ASTN2: variants seen among roughly 807,000 people sequenced by gnomAD.
ASTN2 encodes the protein astrotactin-2.
Under a neutral mutation model 139.8 loss-of-function variants are expected in ASTN2, and 54 were observed. That is an observed-to-expected ratio of 0.39 (90% CI 0.31 to 0.48). The LOEUF is 0.48. ASTN2 is among the 20% of genes least tolerant of loss of function. The pLI is 0.95. For synonymous variants in ASTN2, 756 were observed against 719.5 expected, an observed-to-expected ratio of 1.05 and a Z score of -0.81; for missense variants, 1,565 against 1,725.1, an observed-to-expected ratio of 0.91 and a Z score of 1.64.
At chr9:116,482,908 C>G (rs1849221009) in intron 20 of ASTN2, among the ~76,000 whole-genome samples, 1 of 152,238 alleles carries the variant, frequency 6.6e-6, no homozygotes, top group Non-Finnish European at 1.5e-5. Flanking sequence ...CCCCAGGAAT[C>G]AGGCCTGGCT....
chr9:116,566,916 C>T (rs899173303), intron 19 of ASTN2, among the ~76,000 whole-genome samples: 4 of 152,102 alleles, frequency 2.6e-5, no homozygotes, highest in Non-Finnish European at 5.9e-5. Flanking sequence ...GGCTCCCACC[C>T]AGCCTTCACA....
At chr9:116,800,562 G>A (rs541831926) in intron 13 of ASTN2, among the ~76,000 whole-genome samples, 97 of 152,152 alleles carry the variant, frequency 6.4e-4, no homozygotes, top group South Asian at 5.6e-3. Context: ...TATAAATTTG[G>A]TCTCCCCCTG....
chr9:116,792,919 G>A (rs1332976626), intron 13 of ASTN2, among the ~76,000 whole-genome samples: 1 of 152,086 alleles, frequency 6.6e-6, no homozygotes, highest in African/African-American at 2.4e-5. Flanking sequence ...TGGACATAAA[G>A]ATGGGAATAG....
intron 20 of ASTN2, among the ~76,000 whole-genome samples, chr9:116,483,898 C>T (rs1333929915): frequency 6.6e-6 from 1 of 152,150 alleles, no homozygotes; most frequent in Non-Finnish European, 1.5e-5. Context: ...GGGCATGAGC[C>T]CAGATTCCCC....
intron 3 of ASTN2, among the ~76,000 whole-genome samples, chr9:117,206,511 C>A (rs994742552): frequency 2.0e-5 from 3 of 152,144 alleles, no homozygotes; most frequent in African/African-American, 7.2e-5. Flanking sequence ...CAAGTTGCTG[C>A]AGCACGGTAC....
At chr9:116,910,489 G>A (rs1407541405) in intron 10 of ASTN2, among the ~76,000 whole-genome samples, 1 of 152,028 alleles carries the variant, frequency 6.6e-6, no homozygotes. Context: ...ATTGCTTTAG[G>A]TTATTTACTT....
At chr9:116,777,937 G>C (rs1204939452) in intron 13 of ASTN2, among the ~76,000 whole-genome samples, 1 of 151,980 alleles carries the variant, frequency 6.6e-6, no homozygotes, top group African/African-American at 2.4e-5. Flanking sequence ...CCACCTCCCG[G>C]GTTCAAGCAA....
intron 1 of ASTN2, among the ~76,000 whole-genome samples, chr9:117,333,269 T>C (rs1329933470): frequency 2.6e-5 from 4 of 152,200 alleles, no homozygotes; most frequent in African/African-American, 9.7e-5. Context: ...TCAGAATGAT[T>C]CTGTGAGGTG....
intron 6 of ASTN2, among the ~76,000 whole-genome samples, chr9:117,038,542 C>T (rs1838460603): frequency 6.6e-6 from 1 of 152,150 alleles, no homozygotes; most frequent in East Asian, 1.9e-4. Context: ...TTATGGCATT[C>T]CTTATGGTGA....
At chr9:117,378,931 G>T (rs1280590048) in intron 1 of ASTN2, among the ~76,000 whole-genome samples, 1 of 152,094 alleles carries the variant, frequency 6.6e-6, no homozygotes, top group Non-Finnish European at 1.5e-5. Context: ...GGGATAGCGA[G>T]TTCTTACAAG....
intron 20 of ASTN2, among the ~76,000 whole-genome samples, chr9:116,460,399 TG>T (rs1228427469): frequency 2.6e-5 from 4 of 152,140 alleles, no homozygotes; most frequent in Non-Finnish European, 4.4e-5. Flanking sequence ...GTGAATTTCA[TG>T]GTATGTGAAT....
At chr9:117,046,698 T>C (rs896727503) in intron 5 of ASTN2, among the ~76,000 whole-genome samples, 1 of 152,162 alleles carries the variant, frequency 6.6e-6, no homozygotes, top group Non-Finnish European at 1.5e-5. Context: ...ATGCCTTTAA[T>C]TGGGAATTAG....
At chr9:116,435,819 G>A (rs990215799) in intron 22 of ASTN2, among the ~76,000 whole-genome samples, 1 of 152,150 alleles carries the variant, frequency 6.6e-6, no homozygotes. Flanking sequence ...ACATCACTAT[G>A]AGAGCTTGTT....
intron 3 of ASTN2, among the ~76,000 whole-genome samples, chr9:117,150,609 T>C (rs763128585): frequency 2.0e-5 from 3 of 152,162 alleles, no homozygotes; most frequent in Non-Finnish European, 2.9e-5. Flanking sequence ...CTCCTAACTG[T>C]TAAAATGAGG....
At chr9:116,982,527 A>C (rs189819017) in intron 7 of ASTN2, among the ~76,000 whole-genome samples, 181 of 151,012 alleles carry the variant, frequency 1.2e-3, no homozygotes, top group Middle Eastern at 6.8e-3. Context: ...AAAAGACCAC[A>C]GTTTCTTTAT....
At chr9:116,595,680 G>T (rs1393399859) in intron 19 of ASTN2, among the ~76,000 whole-genome samples, 1 of 151,854 alleles carries the variant, frequency 6.6e-6, no homozygotes, top group African/African-American at 2.4e-5. Flanking sequence ...TTCTGCTTGT[G>T]GTGTGACTGT....
intron 19 of ASTN2, among the ~76,000 whole-genome samples, chr9:116,580,937 G>A (rs1456504236): frequency 1.3e-5 from 2 of 151,932 alleles, no homozygotes; most frequent in Non-Finnish European, 2.9e-5. Flanking sequence ...AGCATCAGTT[G>A]AGGGTGTTAG....
intron 7 of ASTN2, among the ~76,000 whole-genome samples, chr9:116,980,353 C>A (rs909636442): frequency 3.3e-5 from 5 of 151,612 alleles, no homozygotes; most frequent in Non-Finnish European, 7.4e-5. Flanking sequence ...ATGTAACAAA[C>A]CTGCAAATGT....
At chr9:117,027,853 T>G (rs899528789) in intron 6 of ASTN2, among the ~76,000 whole-genome samples, 1 of 152,144 alleles carries the variant, frequency 6.6e-6, no homozygotes, top group African/African-American at 2.4e-5. Context: ...CCACCTATTT[T>G]TGGCTATTGT....
Sources: allele counts gnomAD v4.1 joint callset (sites outside exome capture counted in the v4.1 genomes callset), GRCh38; gene constraint gnomAD v4.1.1; transcripts MANE v1.5; gene names NCBI Gene and HGNC (gene_info 2026-07-23, HGNC 2026-07-21).